Variants in TRIM2 observed in about 807,000 individuals in gnomAD.
TRIM2 encodes the protein tripartite motif-containing protein 2.
A neutral mutation model predicts 75.2 loss-of-function variants in TRIM2; 20 were observed. That is an observed-to-expected ratio of 0.27 (90% CI 0.19 to 0.39). The LOEUF is 0.39. Ranked by LOEUF, TRIM2 falls within the 10% of genes least tolerant of loss-of-function variation. TRIM2 has a pLI of 1.00. For synonymous variants in TRIM2, 373 were observed against 388.3 expected (o/e 0.96, Z 0.46); for missense variants, 660 against 990.8 (o/e 0.67, Z 4.48).
chr4:153,262,672 G>C (rs1238317825), intron 1 of TRIM2, among the ~76,000 whole-genome samples: 1 of 152,140 alleles, frequency 6.6e-6, no homozygotes, highest in Non-Finnish European at 1.5e-5. Flanking sequence ...CCTTGTGGCT[G>C]ATTTGTTAGT....
intron 1 of TRIM2, among the ~76,000 whole-genome samples, chr4:153,212,434 T>C (rs1479967593): frequency 6.6e-6 from 1 of 152,174 alleles, no homozygotes; most frequent in Non-Finnish European, 1.5e-5. Flanking sequence ...GCCTATTGGA[T>C]ATAATGTACA....
intron 1 of TRIM2, among the ~76,000 whole-genome samples, chr4:153,167,439 T>C (rs1488549857): frequency 1.3e-5 from 2 of 152,196 alleles, no homozygotes; most frequent in Non-Finnish European, 2.9e-5. Context: ...GATGACGCAA[T>C]GGCAAATTGC....
At chr4:153,328,696 G>A (rs1301300161) in intron 11 of TRIM2, 26 bp downstream of exon 11, 2 of 1,549,410 alleles carry the variant, frequency 1.3e-6, no homozygotes, top group Non-Finnish European at 8.7e-7. Context: ...AATGTATATG[G>A]TTAGAGTGTT....
At chr4:153,194,502 C>T (rs1733563878) in intron 1 of TRIM2, among the ~76,000 whole-genome samples, 2 of 152,060 alleles carry the variant, frequency 1.3e-5, no homozygotes, top group Admixed American at 1.3e-4. Flanking sequence ...GTATGATTCC[C>T]TTTACATAAA....
At chr4:153,162,003 C>T (rs555668783) in intron 1 of TRIM2, among the ~76,000 whole-genome samples, 12 of 152,352 alleles carry the variant, frequency 7.9e-5, no homozygotes, top group African/African-American at 2.6e-4. Flanking sequence ...ATTCTCTCTG[C>T]GTGGGACCAA....
intron 1 of TRIM2, among the ~76,000 whole-genome samples, chr4:153,244,379 TTC>T (rs1748197915): frequency 7.6e-5 from 5 of 65,378 alleles, no homozygotes; most frequent in Admixed American, 1.8e-4. Flanking sequence ...CTTCTTCTTC[TTC>T]TTCTTCTTCT....
rs1355634722 is a variant in TRIM2, at chr4:153,337,637, G to A, written c.*2671G>A. On this transcript the variant is annotated 3_prime_UTR_variant, in exon 12 of 12. Coordinates refer to ENST00000338700, the MANE Select transcript of TRIM2 (RefSeq NM_015271.5). ...GGAAAGTGCTGCTGATATGATACAA[G>A]TAGACAAAATTTAAATGAAATTTTG... 1 of 985,768 alleles carries A rather than the reference G, an allele frequency of 1.0e-6. No individual in the cohort carries two copies. The highest frequency in any genetic ancestry group is 4.7e-5 in the South Asian group (1 of 21,282). The allele number at this position is 985,768 out of a possible 1,614,324, so 61.1% of individuals were successfully genotyped here. A position where few individuals can be genotyped will look rare whatever the true frequency, so the allele number is the denominator to read the frequency against.
chr4:153,161,833 A>G (rs1019328022), intron 1 of TRIM2, among the ~76,000 whole-genome samples: 2 of 152,242 alleles, frequency 1.3e-5, no homozygotes, highest in African/African-American at 4.8e-5. Flanking sequence ...AGAGCAAATC[A>G]ATGTACAATT....
chr4:153,221,875 GGAAGGAGGA>G, intron 1 of TRIM2, among the ~76,000 whole-genome samples: 1 of 110,154 alleles, frequency 9.1e-6, no homozygotes, highest in South Asian at 4.1e-4. Context: ...AGGAAGGAAG[GGAAGGAGGA>G]AGGAAGGAAG....
intron 6 of TRIM2, among the ~76,000 whole-genome samples, chr4:153,313,627 C>CTTTTTTTTTTTTT (rs398051309): frequency 2.0e-5 from 2 of 98,530 alleles, no homozygotes; most frequent in African/African-American, 9.0e-5. Context: ...AGCAATGGCT[C>CTTTTTTTTTTTTT]TTTTTTTTTT....
intron 1 of TRIM2, among the ~76,000 whole-genome samples, chr4:153,161,237 A>G (rs1729708108): frequency 6.6e-6 from 1 of 152,240 alleles, no homozygotes; most frequent in Admixed American, 6.5e-5. Flanking sequence ...GCAAATGTTT[A>G]TAACCAGCCC....
intron 1 of TRIM2, among the ~76,000 whole-genome samples, chr4:153,260,442 T>G (rs1753121670): frequency 6.6e-6 from 1 of 151,826 alleles, no homozygotes. Flanking sequence ...CTTTATATAC[T>G]AAAGAAAGAG....
chr4:153,201,797 T>C (rs567698357), upstream of TRIM2, among the ~76,000 whole-genome samples: 2 of 152,234 alleles, frequency 1.3e-5, no homozygotes, highest in Non-Finnish European at 1.5e-5. Context: ...CTTTTTAAAA[T>C]GACAGGATCC....
chr4:153,153,778 G>A (rs1051081299), intron 1 of TRIM2, among the ~76,000 whole-genome samples: 2 of 152,204 alleles, frequency 1.3e-5, no homozygotes, highest in Non-Finnish European at 2.9e-5. Context: ...CGCTGAGTCC[G>A]GGCCCCGGAG....
intron 2 of TRIM2, 61 bp from the exon 3 acceptor site, chr4:153,275,832 T>A (rs914827113): frequency 8.3e-6 from 12 of 1,453,644 alleles, no homozygotes; most frequent in Non-Finnish European, 1.1e-5. Flanking sequence ...ACATGTATGG[T>A]ACCTGTGAGA....
chr4:153,165,134 C>T (rs1730167261), intron 1 of TRIM2, among the ~76,000 whole-genome samples: 1 of 152,142 alleles, frequency 6.6e-6, no homozygotes, highest in Non-Finnish European at 1.5e-5. Context: ...CCAATTTGGA[C>T]TGGTTTTATT....
At position 153,170,374 on chromosome 4, in the gene TRIM2, A is replaced by G. The variant is rs1022164284; in HGVS notation, c.-49+17104A>G. 2.0e-5 allele frequency among the ~76,000 whole-genome samples: 3 copies of G among 152,164 alleles called. No homozygotes were observed. The East Asian group carries it at 5.8e-4, about 29-fold the overall frequency. On this transcript the variant is annotated intron_variant, in intron 1 of 11. Coordinates refer to the TRIM2 transcript ENST00000437508. ...AATTGTCTGGTATCCCTTGAACACT[A>G]GGAATGGCATGTTTAACCGGACCCC... is the stretch of plus-strand genomic sequence containing the variant.
intron 5 of TRIM2, among the ~76,000 whole-genome samples, 173 bp downstream of exon 5, chr4:153,294,658 G>C (rs189983812): frequency 1.6e-4 from 24 of 152,190 alleles, no homozygotes; most frequent in Middle Eastern, 3.4e-3. Context: ...AGCAAAATTC[G>C]ATGACTCTGT....
intron 1 of TRIM2, among the ~76,000 whole-genome samples, chr4:153,185,496 C>T (rs1194206123): frequency 6.6e-6 from 1 of 152,138 alleles, no homozygotes; most frequent in Non-Finnish European, 1.5e-5. Flanking sequence ...TCTTGAGCCA[C>T]AGCAGGGACT....
Sources: allele counts gnomAD v4.1 joint callset (sites outside exome capture counted in the v4.1 genomes callset), GRCh38; gene constraint gnomAD v4.1.1; transcripts MANE v1.5; gene names NCBI Gene and HGNC (gene_info 2026-07-23, HGNC 2026-07-21).